PABPC1L: variants seen among roughly 807,000 people sequenced by gnomAD.
PABPC1L encodes the protein poly(A) binding protein cytoplasmic 1 like.
A neutral mutation model predicts 66.6 loss-of-function variants in PABPC1L; 31 were observed. The ratio of observed to expected loss-of-function variants is 0.47; its 90% CI spans 0.35 to 0.63. The LOEUF is 0.63. Among genes scored for constraint, PABPC1L ranks in the 20% least tolerant of loss-of-function variants. The pLI is 0.00. For missense variants in PABPC1L, 722 were observed against 848.8 expected (o/e 0.85, Z 1.86); for synonymous variants, 348 against 335.1 (o/e 1.04, Z -0.42).
intron 7 of PABPC1L, among the ~76,000 whole-genome samples, chr20:44,925,953 C>T (rs902399891): frequency 6.6e-6 from 1 of 152,124 alleles, no homozygotes; most frequent in African/African-American, 2.4e-5. Flanking sequence ...CTTGTTTACT[C>T]ACCTATAAAG....
At chr20:44,921,441 G>T (rs887057546) in intron 5 of PABPC1L, among the ~76,000 whole-genome samples, 153 bp from the exon 6 acceptor site, 1 of 152,108 alleles carries the variant, frequency 6.6e-6, no homozygotes, top group Admixed American at 6.6e-5. Flanking sequence ...AGCCAAAGTG[G>T]GTATACTTAA....
In PABPC1L at chr20:44,916,729, T is replaced by C. The variant is rs759261094; in HGVS notation, c.388-27T>C. The C allele has an allele frequency of 1.9e-6, 3 of 1,608,112 alleles. No individual in the cohort carries two copies. In the East Asian group the frequency reaches 6.7e-5, roughly 36 times the overall value. ...CTACCTGAACCCTCTGTCAGTACTCTTCCTGTCCTTCCTCCCTGTGGCCCA... is the reference window on the plus strand; with the variant it reads ...CTACCTGAACCCTCTGTCAGTACTCCTCCTGTCCTTCCTCCCTGTGGCCCA... On this transcript the variant is annotated intron_variant, in intron 2 of 14. Transcript: ENST00000217073.
intron 14 of PABPC1L, 140 bp downstream of exon 14, chr20:44,938,888 G>T: frequency 1.1e-6 from 1 of 873,964 alleles, no homozygotes. Context: ...AGGAAGTTGT[G>T]AGAATCAGAG....
At chr20:44,927,541 G>A (rs934205802) in intron 7 of PABPC1L, among the ~76,000 whole-genome samples, 1 of 151,844 alleles carries the variant, frequency 6.6e-6, no homozygotes, top group South Asian at 2.1e-4. Context: ...TAGAGATGGG[G>A]TGTCACTATT....
Position 44,933,133 on chromosome 20 carries a change from C to A in PABPC1L, c.1407C>A (p.Val469=). The A allele has an allele frequency of 6.2e-7, 1 of 1,610,144 alleles. No homozygotes were observed. Among genetic ancestry groups the A allele is most frequent in the South Asian group, 1.1e-5 (1 of 89,808 alleles). ...GCCCCCCGGCCCACATCAGCAGTGT[C>A]AGGCAGGCCTCCACCCAGGTGCCAC... The part of the protein sequence containing the change: ...PRRPPAHISS[V]RQASTQVPRT... Residue 469 remains valine, a synonymous_variant, in exon 10 of 15, where the codon GTC becomes GTA. Coordinates refer to ENST00000217073, the MANE Select transcript of PABPC1L (RefSeq NM_001372179.1).
intron 8 of PABPC1L, among the ~76,000 whole-genome samples, chr20:44,931,073 C>CTTCCT (rs1568650136): frequency 2.7e-5 from 2 of 74,300 alleles, no homozygotes; most frequent in African/African-American, 8.9e-5. Context: ...CCCTCCCTCC[C>CTTCCT]TCCCTCCCTC....
At position 44,912,731 on chromosome 20, in the gene PABPC1L, C is replaced by A. The variant is rs1393621272; in HGVS notation, c.265C>A (p.Arg89=). 6.2e-6 allele frequency: 10 copies of A among 1,614,068 alleles called. No homozygotes were observed. Among genetic ancestry groups the A allele is most frequent in the Non-Finnish European group, 7.6e-6 (9 of 1,179,948 alleles). ...GQPIRIMWSQ[R]DPGLRKSGVG... ...GCCTATTCGCATCATGTGGTCCCAG[C>A]GAGACCCAGGACTTCGCAAGTCAGG... The change falls in exon 2 of 15, where the codon CGA becomes AGA. Residue 89 remains arginine, a synonymous_variant. Coordinates refer to ENST00000217073, the MANE Select transcript of PABPC1L (RefSeq NM_001372179.1).
At chr20:44,926,527 C>CATAT (rs34226005) in intron 7 of PABPC1L, among the ~76,000 whole-genome samples, 33 of 149,256 alleles carry the variant, frequency 2.2e-4, no homozygotes, top group South Asian at 1.3e-3. Flanking sequence ...GCCCAGCCTA[C>CATAT]ATATATATAT....
chr20:44,936,800 C>T, intron 12 of PABPC1L, 70 bp downstream of exon 12: 1 of 1,456,866 alleles, frequency 6.9e-7, no homozygotes, highest in East Asian at 2.4e-5. Flanking sequence ...TGCTGGGAAA[C>T]ACCTCACCTG....
chr20:44,930,797 A>G, intron 8 of PABPC1L, 71 bp downstream of exon 8: 2 of 1,534,832 alleles, frequency 1.3e-6, no homozygotes, highest in Non-Finnish European at 1.7e-6. Flanking sequence ...TGAAGACTAG[A>G]GTTCTAGGGA....
intron 5 of PABPC1L, 98 bp from the exon 6 acceptor site, chr20:44,921,496 G>A (rs2066772733): frequency 6.6e-7 from 1 of 1,505,642 alleles, no homozygotes; most frequent in Non-Finnish European, 9.0e-7. Context: ...AGTGTGGCCA[G>A]CCTGGTTTGC....
chr20:44,914,363 C>T lies in PABPC1L; in HGVS notation c.387+1510C>T, dbSNP rs147130220. 8.1e-3 allele frequency among the ~76,000 whole-genome samples: 1,229 copies of T among 152,138 alleles called. 15 individuals carry two copies. Among genetic ancestry groups the T allele is most frequent in the African/African-American group, 0.028 (1,157 of 41,494 alleles). ...CTGGGACTACAGGTGCCCGCCACCA[C>T]GCCCAGCTAATTTTTTTTGTATTTT... On this transcript the variant is annotated intron_variant, in intron 2 of 14. Coordinates refer to ENST00000217073, the MANE Select transcript of PABPC1L (RefSeq NM_001372179.1).
rs1457483256 is a variant in PABPC1L, at chr20:44,918,954, G to T, written c.552G>T (p.Gly184=). The T allele has an allele frequency of 6.2e-6, 10 of 1,612,188 alleles. No individual in the cohort carries two copies. Among genetic ancestry groups the T allele is most frequent in the East Asian group, 2.2e-5 (1 of 44,876 alleles). ...KSRREREAEL[G]ARALEFTNIY... is the part of the protein sequence containing the mutation. ...GACGGGAGCGGGAGGCGGAGCTGGG[G>T]GCGCGGGCCCTGGAGTTCACCAACA... The change falls in exon 4 of 15, where the codon GGG becomes GGT. Residue 184 remains glycine (G), a synonymous_variant. Coordinates refer to ENST00000217073, the MANE Select transcript of PABPC1L (RefSeq NM_001372179.1).
intron 7 of PABPC1L, among the ~76,000 whole-genome samples, chr20:44,924,491 T>G (rs563991862): frequency 1.3e-5 from 2 of 152,296 alleles, no homozygotes; most frequent in East Asian, 3.9e-4. Context: ...GACTTGGGGC[T>G]CACTGTCACC....
intron 7 of PABPC1L, 57 bp downstream of exon 7, chr20:44,924,313 TC>T: frequency 2.2e-6 from 3 of 1,360,598 alleles, no homozygotes; most frequent in Non-Finnish European, 3.1e-6. Flanking sequence ...CTCACCACCA[TC>T]CCCCCACAAC....
At chr20:44,923,262 G>A (rs2066786338) in intron 6 of PABPC1L, among the ~76,000 whole-genome samples, 1 of 152,140 alleles carries the variant, frequency 6.6e-6, no homozygotes, top group African/African-American at 2.4e-5. Flanking sequence ...TAGCCTCTTT[G>A]TGTTTCAGTT....
chr20:44,919,808 A>G (rs897333890), intron 5 of PABPC1L, among the ~76,000 whole-genome samples: 5 of 152,334 alleles, frequency 3.3e-5, no homozygotes, highest in Admixed American at 3.3e-4. Context: ...GCAAGATGCC[A>G]TCTTCACACA....
chr20:44,929,623 T>C (rs2066835713), intron 7 of PABPC1L, among the ~76,000 whole-genome samples: 1 of 151,332 alleles, frequency 6.6e-6, no homozygotes, highest in Non-Finnish European at 1.5e-5. Flanking sequence ...GGTGAAACCC[T>C]CTCTCTACTG....
Position 44,925,242 on chromosome 20 carries a change from G to T in PABPC1L, c.972+986G>T, listed in dbSNP as rs372303611. On this transcript the variant is annotated intron_variant, in intron 7 of 14. Coordinates refer to ENST00000217073, the MANE Select transcript of PABPC1L (RefSeq NM_001372179.1). ...AAAAAAAAAAAAAAGCGCCCAGATG[G>T]TTTTTAAGATGATGATCCAGTGTTT... Among the ~76,000 whole-genome samples, 167 of 149,362 alleles carry T rather than the reference G, an allele frequency of 1.1e-3. 1 individual carries two copies. The highest frequency in any genetic ancestry group is 3.8e-3 in the African/African-American group (157 of 40,780).
Sources: allele counts gnomAD v4.1 joint callset (sites outside exome capture counted in the v4.1 genomes callset), GRCh38; gene constraint gnomAD v4.1.1; transcripts MANE v1.5; gene names NCBI Gene and HGNC (gene_info 2026-07-23, HGNC 2026-07-21).